SHB: variants seen among roughly 807,000 people sequenced by gnomAD.
The protein encoded by SHB is SH2 domain containing adaptor protein B.
A neutral mutation model predicts 52.3 loss-of-function variants in SHB; 20 were observed. The observed-to-expected ratio is 0.38, with a 90% CI of 0.27 to 0.56. SHB has a LOEUF of 0.56. Among genes scored for constraint, SHB ranks in the 20% least tolerant of loss-of-function variants. SHB has a pLI of 0.71. For synonymous variants in SHB, 397 were observed against 316.5 expected (o/e 1.25, Z -2.70); for missense variants, 825 against 723.3 (o/e 1.14, Z -1.61).
chr9:38,047,067 A>G (rs545891492), intron 1 of SHB, among the ~76,000 whole-genome samples: 3 of 152,346 alleles, frequency 2.0e-5, no homozygotes, highest in African/African-American at 7.2e-5. Context: ...CCAGTGTTTC[A>G]GGTTCAGTGC....
At chr9:38,000,462 T>C (rs1482225465) in intron 2 of SHB, among the ~76,000 whole-genome samples, 3 of 152,222 alleles carry the variant, frequency 2.0e-5, no homozygotes, top group Admixed American at 6.5e-5. Flanking sequence ...CCTGCACTCA[T>C]GGATCTTCAG....
At chr9:37,960,489 C>A (rs1832682033) in intron 3 of SHB, among the ~76,000 whole-genome samples, 1 of 152,202 alleles carries the variant, frequency 6.6e-6, no homozygotes, top group Non-Finnish European at 1.5e-5. Flanking sequence ...AGACTCAGAG[C>A]TGTGCAGGTT....
intron 1 of SHB, among the ~76,000 whole-genome samples, chr9:38,045,425 AC>A (rs146813379): frequency 2.3e-4 from 35 of 149,470 alleles, no homozygotes; most frequent in African/African-American, 7.1e-4. Context: ...ACATGGTGAG[AC>A]CCCCCCCACC....
intron 2 of SHB, among the ~76,000 whole-genome samples, chr9:37,981,524 GC>G (rs1313049907): frequency 3.3e-5 from 5 of 151,964 alleles, no homozygotes; most frequent in African/African-American, 1.2e-4. Context: ...AGGCTGTTTT[GC>G]TTTCTTTTCA....
intron 5 of SHB, among the ~76,000 whole-genome samples, chr9:37,923,231 G>A (rs1348460745): frequency 6.6e-6 from 1 of 152,244 alleles, no homozygotes; most frequent in African/African-American, 2.4e-5. Context: ...AGAGGGGGCG[G>A]ATGAGAGGCG....
At position 37,918,962 on chromosome 9, in the gene SHB, G is replaced by A. The variant is rs910670798; in HGVS notation, c.*859C>T. Among the ~76,000 whole-genome samples the A allele has an allele frequency of 2.0e-5, 3 of 152,096 alleles. No individual in the cohort carries two copies. The highest frequency in any genetic ancestry group is 3.9e-4 in the East Asian group (2 of 5,160). On this transcript the variant is annotated 3_prime_UTR_variant, in exon 6 of 6. Transcript: ENST00000377707. ...CCTCAGCCCAGTTGTCAGAGCAGACGGCTCTTGTGTCCAGAGCTGCTGAGG... is the reference window on the plus strand; with the variant it reads ...CCTCAGCCCAGTTGTCAGAGCAGACAGCTCTTGTGTCCAGAGCTGCTGAGG...
At chr9:38,067,346 G>C (rs111976921) in intron 1 of SHB, among the ~76,000 whole-genome samples, 2,839 of 152,282 alleles carry the variant, frequency 0.019, 49 homozygotes, top group African/African-American at 0.035. Context: ...ACGCGTGGAG[G>C]TTCCCGGAGC....
chr9:37,986,903 C>T (rs1044877471), intron 2 of SHB, among the ~76,000 whole-genome samples: 7 of 152,204 alleles, frequency 4.6e-5, no homozygotes, highest in African/African-American at 7.2e-5. Context: ...CACAGCTGCA[C>T]GAAGGGCCAG....
intron 1 of SHB, among the ~76,000 whole-genome samples, chr9:38,024,541 G>A (rs776275325): frequency 3.3e-5 from 5 of 152,126 alleles, no homozygotes; most frequent in South Asian, 2.1e-4. Context: ...CTCTCTCTCC[G>A]TCACACACAC....
intron 1 of SHB, among the ~76,000 whole-genome samples, chr9:38,040,862 T>G (rs936863142): frequency 6.7e-6 from 1 of 149,194 alleles, no homozygotes. Context: ...GGAGCAGAGG[T>G]GTGATGTGCA....
chr9:37,991,441 T>C (rs1008040253), intron 2 of SHB, among the ~76,000 whole-genome samples: 1 of 152,226 alleles, frequency 6.6e-6, no homozygotes, highest in African/African-American at 2.4e-5. Flanking sequence ...CTTCATGTAA[T>C]GTTTATACAT....
intron 2 of SHB, among the ~76,000 whole-genome samples, chr9:37,979,784 C>T (rs1364560287): frequency 6.6e-6 from 1 of 152,026 alleles, no homozygotes; most frequent in African/African-American, 2.4e-5. Flanking sequence ...TGGTGAAACC[C>T]CATCTCTACT....
intron 1 of SHB, among the ~76,000 whole-genome samples, chr9:38,064,855 AG>A (rs1700521945): frequency 6.6e-6 from 1 of 152,230 alleles, no homozygotes; most frequent in South Asian, 2.1e-4. Flanking sequence ...AAAAGTTGGC[AG>A]GGTGCCGTGG....
intron 5 of SHB, among the ~76,000 whole-genome samples, chr9:37,941,693 A>C (rs1259075725): frequency 1.3e-5 from 2 of 152,210 alleles, no homozygotes; most frequent in Non-Finnish European, 2.9e-5. Flanking sequence ...TGACCTACTA[A>C]GTCCACTGTC....
intron 4 of SHB, among the ~76,000 whole-genome samples, chr9:37,949,583 C>A (rs138751959): frequency 2.6e-4 from 39 of 152,238 alleles, no homozygotes; most frequent in African/African-American, 7.7e-4. Flanking sequence ...CAGCTAGGGG[C>A]CAGCATGGAC....
chr9:38,064,303 C>G (rs1821933416), intron 1 of SHB, among the ~76,000 whole-genome samples: 1 of 152,160 alleles, frequency 6.6e-6, no homozygotes, highest in African/African-American at 2.4e-5. Context: ...CCTTCCCTGG[C>G]TCAACAACCT....
intron 3 of SHB, among the ~76,000 whole-genome samples, chr9:37,973,176 C>T (rs552879907): frequency 2.6e-5 from 4 of 152,232 alleles, no homozygotes; most frequent in Non-Finnish European, 5.9e-5. Flanking sequence ...CATTGCTGGA[C>T]ATTCGGGTTG....
intron 1 of SHB, among the ~76,000 whole-genome samples, chr9:38,025,755 A>G (rs1374467140): frequency 6.6e-6 from 1 of 152,150 alleles, no homozygotes; most frequent in Non-Finnish European, 1.5e-5. Flanking sequence ...TCAGCTCAAC[A>G]CACCATCCAG....
chr9:37,982,532 C>A (rs1040824918), intron 2 of SHB, among the ~76,000 whole-genome samples: 2 of 152,010 alleles, frequency 1.3e-5, no homozygotes, highest in Non-Finnish European at 2.9e-5. Context: ...GTGGCTCACA[C>A]CTGTAATCCC....
Sources: gnomAD v4.1 joint callset for allele counts (sites outside exome capture counted in the v4.1 genomes callset) on GRCh38, gnomAD v4.1.1 for gene constraint, MANE v1.5 for transcripts, NCBI Gene and HGNC (gene_info 2026-07-23, HGNC 2026-07-21) for gene names.